Variants in ELMO1 observed in about 807,000 individuals in gnomAD.
ELMO1 encodes the protein engulfment and cell motility 1.
Under a neutral mutation model 98.9 loss-of-function variants are expected in ELMO1, and 26 were observed. The observed-to-expected ratio is 0.26, with a 90% CI of 0.19 to 0.36. ELMO1 has a LOEUF of 0.36. Ranked by LOEUF, ELMO1 falls within the 10% of genes least tolerant of loss-of-function variation. The pLI, the probability that ELMO1 is intolerant of heterozygous loss-of-function variation, is 1.00. For missense variants in ELMO1, 627 were observed against 935.2 expected (o/e 0.67, Z 4.30); for synonymous variants, 346 against 346.0 (o/e 1.00, Z 0.00).
chr7:37,135,030 T>A (rs1244187693), intron 13 of ELMO1, among the ~76,000 whole-genome samples: 1 of 152,196 alleles, frequency 6.6e-6, no homozygotes, highest in East Asian at 1.9e-4. Flanking sequence ...CAACAAAAAT[T>A]ATACTTGTAC....
intron 13 of ELMO1, among the ~76,000 whole-genome samples, chr7:37,180,938 C>A (rs535026448): frequency 1.6e-4 from 25 of 152,116 alleles, no homozygotes; most frequent in Middle Eastern, 6.8e-3. Flanking sequence ...GTTCCTTGTA[C>A]AATTCTTGTA....
At chr7:37,292,633 G>A (rs1349503342) in intron 4 of ELMO1, among the ~76,000 whole-genome samples, 28 of 100,836 alleles carry the variant, frequency 2.8e-4, no homozygotes, top group African/African-American at 6.9e-4. Context: ...GTCTCTGCCT[G>A]GACGCCCCGT....
intron 2 of ELMO1, among the ~76,000 whole-genome samples, chr7:37,328,383 C>CAAAAACAAAAAAAAAA (rs1799929343): frequency 1.5e-5 from 1 of 64,854 alleles, no homozygotes; most frequent in Admixed American, 2.1e-4. Context: ...GACCCTGCCA[C>CAAAAACAAAAAAAAAA]AAAAAAAAAA....
At chr7:36,874,296 A>AT (rs1332935731) in intron 19 of ELMO1, among the ~76,000 whole-genome samples, 1 of 152,230 alleles carries the variant, frequency 6.6e-6, no homozygotes, top group Non-Finnish European at 1.5e-5. Context: ...AATCTAGGCC[A>AT]TGGAGTTAGA....
intron 4 of ELMO1, among the ~76,000 whole-genome samples, chr7:37,303,119 C>A (rs1335278246): frequency 6.6e-6 from 1 of 152,108 alleles, no homozygotes; most frequent in Non-Finnish European, 1.5e-5. Flanking sequence ...GTTCGTTATT[C>A]CATTAAACAA....
At chr7:37,132,922 A>G in intron 14 of ELMO1, 1 of 377,294 alleles carries the variant, frequency 2.7e-6, no homozygotes, top group Non-Finnish European at 4.7e-6. Context: ...TTTTAATGTC[A>G]TCGAAATAAA....
intron 13 of ELMO1, among the ~76,000 whole-genome samples, chr7:37,187,065 C>T (rs1380430812): frequency 6.6e-6 from 1 of 152,140 alleles, no homozygotes; most frequent in African/African-American, 2.4e-5. Flanking sequence ...AAATGCTCAT[C>T]AACTGATAAA....
rs1217046688 is a variant in ELMO1, at chr7:36,855,239, C to G, written c.*312G>C. The stretch of plus-strand genomic sequence containing the variant: ...CCTGCCCAAGGGAAGGAAGGGCATG[C>G]CTGCAGAGGGCTAGGATGGAAGGGC... On this transcript the variant is annotated 3_prime_UTR_variant, in exon 22 of 22. Transcript: ENST00000310758. The surrounding 1 kb of genome is among the most constrained non-coding windows in gnomAD (Gnocchi z 4.2). 1 of 368,744 alleles carries G rather than the reference C, an allele frequency of 2.7e-6. No homozygotes were observed. Among genetic ancestry groups the G allele is most frequent in the Non-Finnish European group, 5.1e-6 (1 of 197,178 alleles). 22.8% of individuals were successfully genotyped at this position (368,744 alleles called of 1,614,324 possible). A position where few individuals can be genotyped will look rare whatever the true frequency, so the allele number is the denominator to read the frequency against.
chr7:37,446,884 C>G (rs1370755691), intron 1 of ELMO1, among the ~76,000 whole-genome samples: 1 of 152,174 alleles, frequency 6.6e-6, no homozygotes, highest in Non-Finnish European at 1.5e-5. Flanking sequence ...TAACCACAGC[C>G]TTCCAGAGAT....
chr7:37,147,055 T>C (rs1375392819), intron 13 of ELMO1, among the ~76,000 whole-genome samples: 1 of 151,852 alleles, frequency 6.6e-6, no homozygotes, highest in East Asian at 1.9e-4. Context: ...ATGGGGTCCA[T>C]TAGCAAGAAG....
At chr7:37,394,153 A>G (rs1417321588) in intron 1 of ELMO1, among the ~76,000 whole-genome samples, 1 of 152,168 alleles carries the variant, frequency 6.6e-6, no homozygotes, top group Non-Finnish European at 1.5e-5. Context: ...GTTGGACAAT[A>G]CCCTGCCCCA....
chr7:37,210,459 T>C lies in ELMO1; in HGVS notation c.1086+927A>G, dbSNP rs80265577. On this transcript the variant is annotated intron_variant, in intron 13 of 21. Coordinates refer to ENST00000310758, the MANE Select transcript of ELMO1 (RefSeq NM_014800.11). ...AAGCATGATACCATTTGTCAAACTA[T>C]GTATAAATATTATTATTAGTATATA... Among the ~76,000 whole-genome samples, 316 of 151,750 alleles carry C rather than the reference T, an allele frequency of 2.1e-3. 9 individuals are homozygous for C. The East Asian group carries it at 0.046, about 22-fold the overall frequency.
intron 1 of ELMO1, among the ~76,000 whole-genome samples, chr7:37,358,188 C>T (rs958029156): frequency 5.9e-5 from 9 of 152,152 alleles, no homozygotes; most frequent in African/African-American, 1.9e-4. Context: ...AAACTTCCAA[C>T]CCTGTGTTGG....
intron 20 of ELMO1, among the ~76,000 whole-genome samples, chr7:36,869,913 T>G (rs1193177286): frequency 6.6e-6 from 1 of 152,210 alleles, no homozygotes; most frequent in African/African-American, 2.4e-5. Context: ...CTTTAAAGTT[T>G]TCTAAGATTC....
At chr7:37,367,180 T>C (rs948068909) in intron 1 of ELMO1, among the ~76,000 whole-genome samples, 1 of 152,198 alleles carries the variant, frequency 6.6e-6, no homozygotes, top group Non-Finnish European at 1.5e-5. Context: ...CTCACTGTAT[T>C]TGGGACTCAG....
chr7:36,902,603 CCTGAG>C (rs1411889960), intron 16 of ELMO1, among the ~76,000 whole-genome samples: 24 of 152,320 alleles, frequency 1.6e-4, no homozygotes, highest in African/African-American at 5.8e-4. Flanking sequence ...TTTTCTTCTT[CCTGAG>C]TTATTCTTGA....
At chr7:37,295,016 T>G (rs1198718271) in intron 4 of ELMO1, among the ~76,000 whole-genome samples, 8 of 151,218 alleles carry the variant, frequency 5.3e-5, no homozygotes, top group Non-Finnish European at 1.2e-4. Context: ...AAAAAAAAAT[T>G]CATCTCAAAA....
intron 16 of ELMO1, among the ~76,000 whole-genome samples, chr7:36,921,971 C>A (rs1181728124): frequency 6.6e-6 from 1 of 152,108 alleles, no homozygotes; most frequent in East Asian, 1.9e-4. Context: ...TTCCCTATTC[C>A]CCATCAAACT....
intron 13 of ELMO1, among the ~76,000 whole-genome samples, chr7:37,152,987 G>A (rs773099176): frequency 6.6e-6 from 1 of 152,156 alleles, no homozygotes; most frequent in Non-Finnish European, 1.5e-5. Flanking sequence ...AGGGACACAC[G>A]TGGGGAAGGA....
Sources: gnomAD v4.1 joint callset for allele counts (sites outside exome capture counted in the v4.1 genomes callset) on GRCh38, gnomAD v4.1.1 for gene constraint, Gnocchi (gnomAD v3.1) non-coding constraint, MANE v1.5 for transcripts, NCBI Gene and HGNC (gene_info 2026-07-23, HGNC 2026-07-21) for gene names.